Variants in C4orf50 observed in about 807,000 individuals in gnomAD.
The protein encoded by C4orf50 is chromosome 4 open reading frame 50.
Under a neutral mutation model 77.2 loss-of-function variants are expected in C4orf50, and 80 were observed. The ratio of observed to expected loss-of-function variants is 1.04; its 90% CI spans 0.87 to 1.25. The LOEUF is 1.25. Ranked by LOEUF, C4orf50 falls within the 50% of genes most tolerant of loss-of-function variation. C4orf50 has a pLI of 0.00. For synonymous variants in C4orf50, 532 were observed against 465.3 expected, an observed-to-expected ratio of 1.14 and a Z score of -1.84; for missense variants, 1,257 against 1,152.9, an observed-to-expected ratio of 1.09 and a Z score of -1.31.
exon 29 of C4orf50, chr4:5,980,225 G>A: frequency 6.2e-7 from 1 of 1,610,706 alleles, no homozygotes; most frequent in Non-Finnish European, 8.5e-7. Flanking sequence ...GAGACGCCTG[G>A]TGGGCAGCGC....
intron 7 of C4orf50, among the ~76,000 whole-genome samples, chr4:5,950,437 C>T (rs776689681): frequency 7.2e-5 from 11 of 152,128 alleles, no homozygotes; most frequent in Non-Finnish European, 1.3e-4. Context: ...TGGTCATTGT[C>T]GACGTTGCTG....
chr4:5,973,911 G>A (rs995618389), intron 30 of C4orf50, 70 bp from the exon 9 acceptor site: 62 of 1,317,742 alleles, frequency 4.7e-5, no homozygotes, highest in Non-Finnish European at 6.2e-5. Flanking sequence ...AGGGCTGGGG[G>A]CCGGAGGGTC....
At chr4:5,933,922 C>T (rs745786695) in intron 7 of C4orf50, among the ~76,000 whole-genome samples, 105 of 151,676 alleles carry the variant, frequency 6.9e-4, no homozygotes, top group Non-Finnish European at 1.2e-3. Context: ...CAGGAGAGGA[C>T]GAGACAGGAA....
rs551286177 is a variant in C4orf50 at position 6,015,947 on chromosome 4, G to A, written c.287+2198C>T. On this transcript the variant is annotated intron_variant, in intron 23 of 33. Transcript: ENST00000531445. The surrounding 1 kb of genome is among the most constrained non-coding windows in gnomAD (Gnocchi z 4.4). ...CCCATGTCACCATCCTTGACATGTC[G>A]ACATAGTCCCAGCCTGCGTGAGTGT... is the stretch of plus-strand genomic sequence containing the variant. 6.6e-6 allele frequency among the ~76,000 whole-genome samples: 1 copy of A among 152,182 alleles called. No homozygotes were observed. The highest frequency in any genetic ancestry group is 1.5e-5 in the Non-Finnish European group (1 of 68,030).
At chr4:5,912,792 A>C (rs1252531391) in intron 7 of C4orf50, among the ~76,000 whole-genome samples, 1 of 152,200 alleles carries the variant, frequency 6.6e-6, no homozygotes, top group African/African-American at 2.4e-5. Flanking sequence ...AAGCCTGAGC[A>C]TGCCCAGTAC....
At chr4:5,952,694 G>C (rs1718782448), downstream of C4orf50, among the ~76,000 whole-genome samples, 1 of 152,172 alleles carries the variant, frequency 6.6e-6, no homozygotes, top group Non-Finnish European at 1.5e-5. This position sits in a 1 kb window ranked among gnomAD's most constrained non-coding sequence, Gnocchi z 4.4. Flanking sequence ...TGGCTCCTTT[G>C]AGGACTCAGT....
intron 25 of C4orf50, among the ~76,000 whole-genome samples, chr4:5,995,787 G>C (rs6857506): frequency 6.6e-6 from 1 of 152,078 alleles, no homozygotes; most frequent in Non-Finnish European, 1.5e-5. Context: ...GTTTTAGATT[G>C]ACGAGTGCAT....
chr4:6,004,785 A>ATGGTGG (rs1560599935), intron 25 of C4orf50, among the ~76,000 whole-genome samples: 2 of 147,036 alleles, frequency 1.4e-5, no homozygotes, highest in African/African-American at 5.1e-5. Flanking sequence ...GGCGATGGTG[A>ATGGTGG]TGGTGGTGAT....
intron 7 of C4orf50, among the ~76,000 whole-genome samples, chr4:5,944,751 G>C (rs773271334): frequency 1.3e-5 from 2 of 152,130 alleles, no homozygotes; most frequent in Non-Finnish European, 2.9e-5. Context: ...AACAGAAGAG[G>C]GCAGCTGGGA....
chr4:5,963,655 T>C (rs1719394050), intron 33 of C4orf50, among the ~76,000 whole-genome samples: 1 of 152,290 alleles, frequency 6.6e-6, no homozygotes, highest in South Asian at 2.1e-4. Context: ...GGAGAAAAAT[T>C]ACAATCAGCT....
rs866290481 is a variant in C4orf50 at position 5,966,799 on chromosome 4, G to A, written c.4153+615C>T. ...CGAGTAGCTGGGACTACAAGCATGC[G>A]CCACCATACCCAGCTAATTTTTGTA... On this transcript the variant is annotated intron_variant, in intron 32 of 33. Transcript: ENST00000531445. 1.9e-4 allele frequency among the ~76,000 whole-genome samples: 29 copies of A among 151,846 alleles called. 1 individual carries two copies. The East Asian group carries it at 2.4e-3, about 12-fold the overall frequency.
At chr4:5,941,513 G>A (rs576652755) in intron 7 of C4orf50, among the ~76,000 whole-genome samples, 7 of 152,204 alleles carry the variant, frequency 4.6e-5, no homozygotes, top group South Asian at 4.2e-4. Flanking sequence ...TGTGTAAGAC[G>A]ATAGGTAGAG....
Position 5,919,092 on chromosome 4 carries a change from C to G in C4orf50, c.*2475-20904G>C, listed in dbSNP as rs757733854. 6.6e-6 allele frequency among the ~76,000 whole-genome samples: 1 copy of G among 152,178 alleles called. No individual in the cohort carries two copies. ...GCTCCTGGTTGGGACAGACGTGGCT[C>G]CCTCTTTCCCAGGTGGGACATTGCT... On this transcript the variant is annotated intron_variant, in intron 7 of 7. Coordinates refer to the C4orf50 transcript ENST00000324058. This position sits in a 1 kb window ranked among gnomAD's most constrained non-coding sequence, Gnocchi z 6.5.
intron 7 of C4orf50, among the ~76,000 whole-genome samples, chr4:5,918,665 C>G (rs1348714916): frequency 7.2e-5 from 11 of 152,206 alleles, no homozygotes; most frequent in African/African-American, 2.2e-4. Flanking sequence ...TGTAAATTGA[C>G]TTTTTGCTGC....
intron 31 of C4orf50, 115 bp downstream of exon 9, chr4:5,973,544 T>TCCG (rs1720053963): frequency 2.3e-6 from 2 of 882,750 alleles, no homozygotes; most frequent in African/African-American, 3.4e-5. Flanking sequence ...TTGGGTAGTG[T>TCCG]CCGCGGTGGG....
intron 28 of C4orf50, among the ~76,000 whole-genome samples, chr4:5,983,196 T>C (rs978734993): frequency 1.3e-5 from 2 of 152,232 alleles, no homozygotes; most frequent in Non-Finnish European, 2.9e-5. Context: ...ACCCGAACCA[T>C]TGTTCTTAGA....
intron 7 of C4orf50, among the ~76,000 whole-genome samples, chr4:5,943,956 C>T (rs1316014157): frequency 6.6e-6 from 1 of 152,178 alleles, no homozygotes; most frequent in African/African-American, 2.4e-5. Context: ...CCAAAGGTCT[C>T]CCTCAAGCAG....
At chr4:5,904,414 G>A (rs1716460770) in intron 7 of C4orf50, 2 of 152,312 alleles carry the variant, frequency 1.3e-5, no homozygotes, top group African/African-American at 4.8e-5. Flanking sequence ...ATGGACACAA[G>A]TTGAGAGAAG....
intron 7 of C4orf50, among the ~76,000 whole-genome samples, chr4:5,931,682 T>TCCCC (rs1205935897): frequency 6.6e-6 from 1 of 151,884 alleles, no homozygotes; most frequent in Non-Finnish European, 1.5e-5. Context: ...GGAGGCCCAC[T>TCCCC]CCACCCTCTC....
Sources: allele counts gnomAD v4.1 joint callset (sites outside exome capture counted in the v4.1 genomes callset), GRCh38; gene constraint gnomAD v4.1.1; non-coding constraint Gnocchi (gnomAD v3.1); transcripts MANE v1.5; gene names NCBI Gene and HGNC (gene_info 2026-07-23, HGNC 2026-07-21).